The following SOCS7 variants were observed in gnomAD, a reference collection of about 807,000 sequenced individuals.
SOCS7 encodes the protein suppressor of cytokine signaling 7.
Under a neutral mutation model 58.9 loss-of-function variants are expected in SOCS7, and 18 were observed. That is an observed-to-expected ratio of 0.31 (90% CI 0.21 to 0.45). SOCS7 has a LOEUF of 0.45. Among genes scored for constraint, SOCS7 ranks in the 20% least tolerant of loss-of-function variants. The pLI is 1.00. For synonymous variants in SOCS7, 388 were observed against 364.3 expected, an observed-to-expected ratio of 1.06 and a Z score of -0.74; for missense variants, 667 against 837.3, an observed-to-expected ratio of 0.80 and a Z score of 2.51.
intron 9 of SOCS7, among the ~76,000 whole-genome samples, chr17:38,396,594 A>G (rs935370981): frequency 1.3e-5 from 2 of 152,246 alleles, no homozygotes; most frequent in African/African-American, 4.8e-5. Context: ...TCATTTATCT[A>G]CGAGGCTCTT....
At chr17:38,368,083 C>A in intron 6 of SOCS7, 33 bp downstream of exon 6, 1 of 1,545,748 alleles carries the variant, frequency 6.5e-7, no homozygotes, top group South Asian at 1.2e-5. Flanking sequence ...GCTTCTTCCC[C>A]CCTTGATTTG....
At chr17:38,382,923 G>T (rs1456742449) in intron 7 of SOCS7, among the ~76,000 whole-genome samples, 1 of 152,002 alleles carries the variant, frequency 6.6e-6, no homozygotes, top group Non-Finnish European at 1.5e-5. Context: ...TTTTAGGCTG[G>T]ACAGTTTTTT....
intron 5 of SOCS7, among the ~76,000 whole-genome samples, chr17:38,366,889 A>C (rs1017885461): frequency 5.9e-5 from 9 of 152,226 alleles, no homozygotes; most frequent in Admixed American, 5.9e-4. Context: ...CATGAGATGT[A>C]ATAAAATTGA....
intron 7 of SOCS7, among the ~76,000 whole-genome samples, chr17:38,379,271 G>A (rs1321334513): frequency 6.6e-6 from 1 of 152,008 alleles, no homozygotes; most frequent in Non-Finnish European, 1.5e-5. Flanking sequence ...CTGAGGTCAG[G>A]AGTTCGAGAC....
In SOCS7 at chr17:38,401,619, G is replaced by A. The variant is rs1173150057; in HGVS notation, c.*2137G>A. ...TGCTGCACATCAAGCAGAAAATCAA[G>A]GACTATCTAAAGACGTTTATAGTAG... On this transcript the variant is annotated 3_prime_UTR_variant, in exon 10 of 10. Transcript: ENST00000612932. 1 of 152,100 alleles carries A rather than the reference G, an allele frequency of 6.6e-6. No homozygotes were observed. The highest frequency in any genetic ancestry group is 2.4e-5 in the African/African-American group (1 of 41,406). 9.4% of individuals were successfully genotyped at this position (152,100 alleles called of 1,614,324 possible).
At chr17:38,370,362 C>T (rs994389077) in intron 6 of SOCS7, among the ~76,000 whole-genome samples, 6 of 151,826 alleles carry the variant, frequency 4.0e-5, no homozygotes, top group East Asian at 1.9e-4. Context: ...TTTTTTGAGA[C>T]GGGGTCTCAC....
At chr17:38,377,399 T>A (rs1477505062) in intron 6 of SOCS7, among the ~76,000 whole-genome samples, 1 of 152,222 alleles carries the variant, frequency 6.6e-6, no homozygotes, top group African/African-American at 2.4e-5. Context: ...GTAAGTATAA[T>A]GCAAATATTC....
intron 7 of SOCS7, among the ~76,000 whole-genome samples, chr17:38,389,905 A>ATATATATATGTACATATATATATATG (rs2038145326): frequency 9.3e-6 from 1 of 107,090 alleles, no homozygotes; most frequent in Non-Finnish European, 1.9e-5. Flanking sequence ...ATATACACAT[A>ATATATATATGTACATATATATATATG]TAGAGAGAGA....
At chr17:38,375,938 G>C (rs998410507) in intron 6 of SOCS7, 1 of 151,834 alleles carries the variant, frequency 6.6e-6, no homozygotes, top group Admixed American at 6.6e-5. Context: ...TCCTGCCTCA[G>C]CCTCCCGAGT....
chr17:38,378,151 A>G (rs2037955741), intron 7 of SOCS7, among the ~76,000 whole-genome samples: 1 of 152,188 alleles, frequency 6.6e-6, no homozygotes, highest in African/African-American at 2.4e-5. Context: ...AACATTTATA[A>G]GTGAAGCAGA....
chr17:38,361,445 T>C (rs1567736852), intron 1 of SOCS7, among the ~76,000 whole-genome samples: 1 of 152,260 alleles, frequency 6.6e-6, no homozygotes, highest in Non-Finnish European at 1.5e-5. Context: ...GGTGTTTTAC[T>C]CTTTTAATGT....
At chr17:38,370,331 C>T (rs1051097682) in intron 6 of SOCS7, among the ~76,000 whole-genome samples, 5 of 152,020 alleles carry the variant, frequency 3.3e-5, no homozygotes, top group African/African-American at 1.2e-4. Context: ...ACTTTGCTTC[C>T]TTGAATAAGT....
Position 38,365,419 on chromosome 17 carries a change from G to A in SOCS7, c.1252+10G>A, listed in dbSNP as rs1487345973. On this transcript the variant is annotated intron_variant, in intron 4 of 9. Transcript: ENST00000612932. ...CCACCCCATGCCCCAGGTTAGCTTA[G>A]TTTAGAGGCAAGACTTGTAAGAGTT... is the stretch of plus-strand genomic sequence containing the variant. 2 of 1,579,600 alleles carry A rather than the reference G, an allele frequency of 1.3e-6. No individual in the cohort carries two copies. The highest frequency in any genetic ancestry group is 1.7e-6 in the Non-Finnish European group (2 of 1,156,002).
chr17:38,396,372 C>A (rs2038245691), intron 9 of SOCS7, among the ~76,000 whole-genome samples: 1 of 152,140 alleles, frequency 6.6e-6, no homozygotes, highest in Non-Finnish European at 1.5e-5. Flanking sequence ...CTCCCTGATA[C>A]TGCACAAATG....
At chr17:38,379,667 A>G (rs926899062) in intron 7 of SOCS7, among the ~76,000 whole-genome samples, 3 of 152,052 alleles carry the variant, frequency 2.0e-5, no homozygotes, top group African/African-American at 7.2e-5. Flanking sequence ...AATCTTGGGG[A>G]TTTGAATAAG....
intron 6 of SOCS7, among the ~76,000 whole-genome samples, chr17:38,377,465 T>C (rs2037946799): frequency 6.6e-6 from 1 of 152,198 alleles, no homozygotes; most frequent in South Asian, 2.1e-4. Flanking sequence ...GCATTTCGGA[T>C]AAGGAGTACT....
At chr17:38,357,145 T>C (rs1555566917) in intron 1 of SOCS7, among the ~76,000 whole-genome samples, 1 of 152,232 alleles carries the variant, frequency 6.6e-6, no homozygotes, top group Admixed American at 6.5e-5. Context: ...GGCAGGCTGC[T>C]TTGGCATCCA....
intron 2 of SOCS7, among the ~76,000 whole-genome samples, chr17:38,362,350 C>A (rs1398233471): frequency 1.3e-5 from 2 of 152,214 alleles, no homozygotes; most frequent in Non-Finnish European, 2.9e-5. Context: ...GCTGTAGAAT[C>A]TCCTTTGGAT....
At chr17:38,397,731 C>CA (rs140467091) in intron 9 of SOCS7, among the ~76,000 whole-genome samples, 1,934 of 152,316 alleles carry the variant, frequency 0.013, 39 homozygotes, top group African/African-American at 0.043. Flanking sequence ...GCCCTGTTTT[C>CA]ACTCAGCTTC....
Sources: allele counts gnomAD v4.1 joint callset (sites outside exome capture counted in the v4.1 genomes callset), GRCh38; gene constraint gnomAD v4.1.1; transcripts MANE v1.5; gene names NCBI Gene and HGNC (gene_info 2026-07-23, HGNC 2026-07-21).